SLC7A10: variants seen among roughly 807,000 people sequenced by gnomAD.
SLC7A10 encodes the protein solute carrier family 7 member 10.
SLC7A10 carries 30 observed loss-of-function variants against 52.7 expected under a neutral mutation model. The observed-to-expected ratio is 0.57, with a 90% CI of 0.43 to 0.77. SLC7A10 has a LOEUF of 0.77. Among genes scored for constraint, SLC7A10 ranks in the 30% least tolerant of loss-of-function variants. The pLI is 0.00. For missense variants in SLC7A10, 581 were observed against 698.5 expected (o/e 0.83, Z 1.90); for synonymous variants, 318 against 314.9 (o/e 1.01, Z -0.10).
rs375183642 is a variant in SLC7A10 at position 33,213,180 on chromosome 19, T to C, written c.357-178A>G. Among the ~76,000 whole-genome samples, 17 of 152,332 alleles carry C rather than the reference T, an allele frequency of 1.1e-4. No homozygotes were observed. The East Asian group carries it at 1.2e-3, about 10-fold the overall frequency. ...ACCTTGTTGAGGTCTTGCGGCTGCA[T>C]TGATAGACTGTTTTAACAGAGAAGG... On this transcript the variant is annotated intron_variant, in intron 2 of 10. Coordinates refer to ENST00000253188, the MANE Select transcript of SLC7A10 (RefSeq NM_019849.3).
Position 33,209,019 on chromosome 19 carries a change from A to G in SLC7A10, c.1444T>C (p.Ser482Pro). 2 of 1,613,344 alleles carry G rather than the reference A, an allele frequency of 1.2e-6. No homozygotes were observed. The highest frequency in any genetic ancestry group is 2.2e-5 in the East Asian group (1 of 44,826). Residue 482 changes from serine (S) to proline (P), a missense_variant and splice_region_variant, in exon 11 of 11, where the codon TCC (serine) becomes CCC (proline). Transcript: ENST00000253188. ...AGCTCCTGGCCCCAGTGTGTCATGG[A>G]CTCTGAGGACAGACAGATGGACCTT... Reference protein sequence around the residue: ...KPKCVHRLTESMTHWGQELCF... With the variant: ...KPKCVHRLTEPMTHWGQELCF...
In SLC7A10 at chr19:33,209,435, C is replaced by T; in HGVS notation, c.1314G>A (p.Leu438=). The T allele has an allele frequency of 6.2e-7, 1 of 1,614,048 alleles. No homozygotes were observed. The highest frequency in any genetic ancestry group is 8.5e-7 in the Non-Finnish European group (1 of 1,180,008). The change falls in exon 10 of 11, where the codon CTG becomes CTA. Residue 438 remains leucine, a synonymous_variant. Coordinates refer to ENST00000253188, the MANE Select transcript of SLC7A10 (RefSeq NM_019849.3). The stretch of plus-strand genomic sequence containing the variant: ...TAGGCTCTGAGATGAAGCTGAAGAC[C>T]AGCAGGAAGGCCCAGAAGACCAAGT... The part of the protein sequence containing the change: ...VAYLVFWAFL[L]VFSFISEPMV...
rs779602918 is a variant in SLC7A10, at chr19:33,208,856, A to G, written c.*35T>C. ...AACACCTCCTCAATAAACAACATGTAAACAGAAACAACTGCTTCAGTCTCT... is the reference window on the plus strand; with the variant it reads ...AACACCTCCTCAATAAACAACATGTGAACAGAAACAACTGCTTCAGTCTCT... On this transcript the variant is annotated 3_prime_UTR_variant, in exon 11 of 11. Transcript: ENST00000253188. The surrounding 1 kb of genome is among the most constrained non-coding windows in gnomAD (Gnocchi z 4.7). 1.2e-6 allele frequency: 2 copies of G among 1,613,974 alleles called. No homozygotes were observed. Among genetic ancestry groups the G allele is most frequent in the South Asian group, 2.2e-5 (2 of 91,074 alleles).
At chr19:33,215,379 C>T (rs749571451) in intron 2 of SLC7A10, among the ~76,000 whole-genome samples, 8 of 152,098 alleles carry the variant, frequency 5.3e-5, no homozygotes, top group African/African-American at 1.4e-4. Context: ...GGCCCCTCCT[C>T]GCCTGGGCAC....
chr19:33,221,994 T>TGGA (rs1236657550), intron 1 of SLC7A10, among the ~76,000 whole-genome samples: 2 of 152,176 alleles, frequency 1.3e-5, no homozygotes, highest in African/African-American at 2.4e-5. Context: ...CCACCCATAG[T>TGGA]GGAGCAGGAG....
chr19:33,210,445 G>T lies in SLC7A10; in HGVS notation c.1263+22C>A. The T allele has an allele frequency of 1.9e-6, 3 of 1,566,098 alleles. No individual in the cohort carries two copies. Among genetic ancestry groups the T allele is most frequent in the Non-Finnish European group, 2.6e-6 (3 of 1,162,938 alleles). On this transcript the variant is annotated intron_variant, in intron 9 of 10. Transcript: ENST00000253188. This position sits in a 1 kb window ranked among gnomAD's most constrained non-coding sequence, Gnocchi z 5.6. ...TGGCTCTGGCAGCACCCGGCACAGG[G>T]CCAGCTGTCCCAGGGCCTCACCTTG...
rs1974548928 is a variant in SLC7A10 at position 33,211,375 on chromosome 19, C to T, written c.912+39G>A. The T allele has an allele frequency of 1.9e-6, 3 of 1,613,468 alleles. No individual in the cohort carries two copies. The East Asian group carries it at 6.7e-5, about 36-fold the overall frequency. On this transcript the variant is annotated intron_variant, in intron 6 of 10. Transcript: ENST00000253188. ...GCCATGTGTAAGGCCGGGGCAGGGG[C>T]CTGGGCAGGAGCCAGGGACCGAGCA...
In SLC7A10 at chr19:33,210,699, A is replaced by C; in HGVS notation, c.1114-83T>G. 1.2e-6 allele frequency: 2 copies of C among 1,606,528 alleles called. No homozygotes were observed. The highest frequency in any genetic ancestry group is 1.7e-5 in the Admixed American group (1 of 59,804). On this transcript the variant is annotated intron_variant, in intron 8 of 10. Transcript: ENST00000253188. This position sits in a 1 kb window ranked among gnomAD's most constrained non-coding sequence, Gnocchi z 5.6. ...AGGATGAGCCCTGGCCCCACCCCCAACCCCCACCCTGGAATGGCTCACCCC... is the reference window on the plus strand; with the variant it reads ...AGGATGAGCCCTGGCCCCACCCCCACCCCCCACCCTGGAATGGCTCACCCC...
intron 1 of SLC7A10, among the ~76,000 whole-genome samples, chr19:33,218,690 T>TCTTTCTTCTTTC (rs199544613): frequency 2.2e-5 from 2 of 90,372 alleles, no homozygotes; most frequent in Non-Finnish European, 4.2e-5. Context: ...TCTTTTTTTT[T>TCTTTCTTCTTTC]TTTTTTTAGT....
At chr19:33,223,003 G>A (rs1477622024) in intron 1 of SLC7A10, among the ~76,000 whole-genome samples, 2 of 152,160 alleles carry the variant, frequency 1.3e-5, no homozygotes, top group Non-Finnish European at 2.9e-5. Context: ...AACAAACCAA[G>A]GTAGATTATG....
rs745502626 is a variant in SLC7A10, at chr19:33,209,373, C to A, written c.1376G>T (p.Gly459Val). ...CGVGVIIILT[G>V]VPIFFLGVFW... is the part of the protein sequence containing the mutation. ...CACTCCCAGAAAGAAAATGGGCACC[C>A]CCGTAAGGATGATGATGACGCCGAC... Residue 459 changes from glycine (G) to valine (V), a missense_variant, in exon 10 of 11, where the codon GGG (glycine) becomes GTG (valine). Gly to Val is a moderately radical substitution (Grantham distance 109). Coordinates refer to ENST00000253188, the MANE Select transcript of SLC7A10 (RefSeq NM_019849.3). 12 of 1,613,988 alleles carry A rather than the reference C, an allele frequency of 7.4e-6. No individual in the cohort carries two copies. The highest frequency in any genetic ancestry group is 8.5e-6 in the Non-Finnish European group (10 of 1,179,994).
At chr19:33,223,543 C>G (rs1030432288) in intron 1 of SLC7A10, among the ~76,000 whole-genome samples, 2 of 151,970 alleles carry the variant, frequency 1.3e-5, no homozygotes, top group Non-Finnish European at 1.5e-5. Context: ...GACCCCAGCT[C>G]AGTCCTCACC....
intron 2 of SLC7A10, 56 bp downstream of exon 2, chr19:33,215,713 T>C: frequency 6.7e-7 from 1 of 1,500,460 alleles, no homozygotes; most frequent in Non-Finnish European, 9.0e-7. Context: ...CAGGGCTCAT[T>C]TGGCCATCCC....
At chr19:33,224,645 C>G (rs1306749876) in intron 1 of SLC7A10, among the ~76,000 whole-genome samples, 1 of 152,134 alleles carries the variant, frequency 6.6e-6, no homozygotes, top group Non-Finnish European at 1.5e-5. Flanking sequence ...TCACTCACCC[C>G]CCAAACCACT....
In SLC7A10 at chr19:33,211,344, A is replaced by G. The variant is rs1252826429; in HGVS notation, c.913-16T>C. 1 of 1,613,832 alleles carries G rather than the reference A, an allele frequency of 6.2e-7. No individual in the cohort carries two copies. The highest frequency in any genetic ancestry group is 1.3e-5 in the African/African-American group (1 of 74,910). On this transcript the variant is annotated splice_polypyrimidine_tract_variant and intron_variant, in intron 6 of 10. Coordinates refer to ENST00000253188, the MANE Select transcript of SLC7A10 (RefSeq NM_019849.3). Reference sequence around the variant, plus strand: ...CCCCGAAGGTCTGGGTGGGCACAGTAGAGAGGCCATGTGTAAGGCCGGGGC... The same window carrying G: ...CCCCGAAGGTCTGGGTGGGCACAGTGGAGAGGCCATGTGTAAGGCCGGGGC...
intron 5 of SLC7A10, 136 bp from the exon 6 acceptor site, chr19:33,211,673 T>C (rs1974557823): frequency 7.9e-6 from 12 of 1,509,502 alleles, no homozygotes; most frequent in Non-Finnish European, 9.8e-6. Flanking sequence ...GGGGCAGCAT[T>C]GCTGCCCGAG....
At chr19:33,216,043 T>A in intron 1 of SLC7A10, 70 bp from the exon 2 acceptor site, 1 of 1,374,018 alleles carries the variant, frequency 7.3e-7, no homozygotes, top group Non-Finnish European at 9.8e-7. Flanking sequence ...TGTGTGGGGA[T>A]CTGCCTGCTG....
intron 1 of SLC7A10, among the ~76,000 whole-genome samples, chr19:33,223,325 A>AAAAG (rs1209043160): frequency 7.0e-6 from 1 of 142,308 alleles, no homozygotes; most frequent in African/African-American, 2.6e-5. Context: ...AAAAAAAAAA[A>AAAAG]AAAGAAAGAA....
At chr19:33,217,667 C>G (rs1974718734) in intron 1 of SLC7A10, 1 of 152,280 alleles carries the variant, frequency 6.6e-6, no homozygotes, top group Non-Finnish European at 1.5e-5. Context: ...GGGAGCCCGC[C>G]TCCTCCACCT....
Sources: gnomAD v4.1 joint callset for allele counts (sites outside exome capture counted in the v4.1 genomes callset) on GRCh38, gnomAD v4.1.1 for gene constraint, Gnocchi (gnomAD v3.1) non-coding constraint, MANE v1.5 for transcripts, NCBI Gene and HGNC (gene_info 2026-07-23, HGNC 2026-07-21) for gene names.